Variants in KCNH8 observed in about 807,000 individuals in gnomAD.
The protein encoded by KCNH8 is potassium voltage-gated channel subfamily H member 8, also known as voltage-gated delayed rectifier potassium channel KCNH8.
In KCNH8, 70 loss-of-function variants were observed where a neutral mutation model predicts 103.6. The ratio of observed to expected loss-of-function variants is 0.68; its 90% CI spans 0.56 to 0.82. The LOEUF (loss-of-function observed/expected upper bound fraction) is 0.82, where lower values mean the gene tolerates loss of function less well. Ranked by LOEUF, KCNH8 falls within the 40% of genes least tolerant of loss-of-function variation. The pLI, the probability that KCNH8 is intolerant of heterozygous loss-of-function variation, is 0.00. For synonymous variants in KCNH8, 498 were observed against 489.4 expected (o/e 1.02, Z -0.23); for missense variants, 1,217 against 1,329.9 (o/e 0.92, Z 1.32).
In KCNH8 at chr3:19,459,692, C is replaced by A. The variant is rs559409113; in HGVS notation, c.2040+2710C>A. On this transcript the variant is annotated intron_variant, in intron 11 of 15. Transcript: ENST00000328405. The stretch of plus-strand genomic sequence containing the variant: ...CATTGTCCAGACCAATGTCATGGAG[C>A]TTTCCCCTATGTTTTCTTTTAGAGT... Among the ~76,000 whole-genome samples, 8 of 152,134 alleles carry A rather than the reference C, an allele frequency of 5.3e-5. No individual in the cohort carries two copies. The South Asian group carries it at 1.7e-3, about 32-fold the overall frequency.
intron 3 of KCNH8, among the ~76,000 whole-genome samples, chr3:19,292,045 T>C (rs1429896353): frequency 1.3e-5 from 2 of 152,246 alleles, no homozygotes; most frequent in Non-Finnish European, 2.9e-5. Context: ...CCAAACATTT[T>C]TCACAGCAGT....
chr3:19,201,930 C>T (rs1017647693), intron 1 of KCNH8, among the ~76,000 whole-genome samples: 60 of 152,252 alleles, frequency 3.9e-4, no homozygotes, highest in African/African-American at 1.4e-3. Flanking sequence ...GCTCTGAAAA[C>T]AATGTACTAA....
chr3:19,194,156 T>G (rs2063579003), intron 1 of KCNH8, among the ~76,000 whole-genome samples: 1 of 151,496 alleles, frequency 6.6e-6, no homozygotes, highest in Non-Finnish European at 1.5e-5. Context: ...AGAAATTGCT[T>G]CTGTTTGATG....
chr3:19,194,339 G>GATAT (rs1418718111), intron 1 of KCNH8, among the ~76,000 whole-genome samples: 1 of 151,418 alleles, frequency 6.6e-6, no homozygotes, highest in Non-Finnish European at 1.5e-5. Context: ...ATTTGAGCAA[G>GATAT]TGTTAGTAGA....
chr3:19,343,317 C>T (rs551927083), intron 4 of KCNH8, among the ~76,000 whole-genome samples: 2 of 152,140 alleles, frequency 1.3e-5, no homozygotes, highest in African/African-American at 4.8e-5. Context: ...GGTGTCTTAC[C>T]TGTCAAAGCC....
At chr3:19,215,003 C>T (rs1031808550) in intron 1 of KCNH8, among the ~76,000 whole-genome samples, 3 of 152,172 alleles carry the variant, frequency 2.0e-5, no homozygotes, top group Non-Finnish European at 2.9e-5. Flanking sequence ...TAGGTCTGCA[C>T]GCCCATTATC....
chr3:19,239,195 TG>T (rs1279429900), intron 1 of KCNH8, among the ~76,000 whole-genome samples: 1 of 152,182 alleles, frequency 6.6e-6, no homozygotes, highest in Non-Finnish European at 1.5e-5. Flanking sequence ...TATAGGCTTT[TG>T]CTGGCCTATT....
intron 3 of KCNH8, among the ~76,000 whole-genome samples, chr3:19,302,001 G>A (rs2065069988): frequency 6.6e-6 from 1 of 152,174 alleles, no homozygotes; most frequent in South Asian, 2.1e-4. Flanking sequence ...CGTGGCACAT[G>A]GATATATTCA....
intron 1 of KCNH8, among the ~76,000 whole-genome samples, chr3:19,199,887 C>T (rs1484030443): frequency 1.3e-5 from 2 of 151,818 alleles, no homozygotes; most frequent in Admixed American, 6.6e-5. Context: ...GGGTTTTATT[C>T]AGCAAATTTC....
Position 19,533,840 on chromosome 3 carries a change from C to T in KCNH8, c.3065C>T (p.Pro1022Leu), listed in dbSNP as rs1001495442. The change falls in exon 16 of 16, where the codon CCT becomes CTT. Residue 1022 changes from proline to leucine, a missense_variant. By Grantham distance (98) the Pro-to-Leu change is moderately conservative. Coordinates refer to ENST00000328405, the MANE Select transcript of KCNH8 (RefSeq NM_144633.3). Reference protein sequence around the residue: ...ISPHSDSTLTPLQSISATLSS... With the variant: ...ISPHSDSTLTLLQSISATLSS... ...CCACATTCAGATTCTACGTTGACGC[C>T]TCTGCAGTCCATTTCAGCAACTCTC... is the stretch of plus-strand genomic sequence containing the variant. 6.2e-7 allele frequency: 1 copy of T among 1,614,032 alleles called. No individual in the cohort carries two copies. The highest frequency in any genetic ancestry group is 1.3e-5 in the African/African-American group (1 of 74,916).
At chr3:19,205,539 G>C (rs1352273752) in intron 1 of KCNH8, among the ~76,000 whole-genome samples, 1 of 151,968 alleles carries the variant, frequency 6.6e-6, no homozygotes, top group African/African-American at 2.4e-5. Context: ...TTACACTCAA[G>C]CAAGGGGGTA....
chr3:19,199,918 A>G (rs780639194), intron 1 of KCNH8, among the ~76,000 whole-genome samples: 1 of 152,072 alleles, frequency 6.6e-6, no homozygotes, highest in South Asian at 2.1e-4. Context: ...GCCACAGTTC[A>G]TTATGAAGAA....
At chr3:19,216,883 A>G (rs1385928344) in intron 1 of KCNH8, among the ~76,000 whole-genome samples, 1 of 152,230 alleles carries the variant, frequency 6.6e-6, no homozygotes, top group Non-Finnish European at 1.5e-5. Flanking sequence ...GATGCTTGCC[A>G]GGAAGGGTGA....
At chr3:19,358,856 G>T (rs9851592) in intron 5 of KCNH8, among the ~76,000 whole-genome samples, 41,497 of 150,986 alleles carry the variant, frequency 0.27, 6,521 homozygotes, top group African/African-American at 0.43. Flanking sequence ...ATTTTTAAAG[G>T]AACTGTGCAA....
At chr3:19,413,720 A>T (rs2066819181) in intron 7 of KCNH8, among the ~76,000 whole-genome samples, 1 of 152,012 alleles carries the variant, frequency 6.6e-6, no homozygotes, top group South Asian at 2.1e-4. Flanking sequence ...TGGGGGAAAT[A>T]ATTTGTTTTT....
At chr3:19,362,452 A>G (rs1048434143) in intron 5 of KCNH8, among the ~76,000 whole-genome samples, 2 of 152,074 alleles carry the variant, frequency 1.3e-5, no homozygotes, top group Admixed American at 1.3e-4. Flanking sequence ...CAGTGATAAG[A>G]ATGTTCTTTT....
At chr3:19,301,654 C>T (rs900790508) in intron 3 of KCNH8, among the ~76,000 whole-genome samples, 2 of 152,166 alleles carry the variant, frequency 1.3e-5, no homozygotes, top group Admixed American at 6.6e-5. Flanking sequence ...TCAATTCTGA[C>T]ACTAACTATC....
At chr3:19,419,051 A>G (rs2066904886) in intron 7 of KCNH8, among the ~76,000 whole-genome samples, 1 of 152,176 alleles carries the variant, frequency 6.6e-6, no homozygotes, top group South Asian at 2.1e-4. Context: ...AAAGATAAAC[A>G]TTTTATCTAA....
chr3:19,332,537 A>G (rs1470765890), intron 3 of KCNH8, among the ~76,000 whole-genome samples: 1 of 152,188 alleles, frequency 6.6e-6, no homozygotes, highest in African/African-American at 2.4e-5. Flanking sequence ...TAATTGCCCA[A>G]CAATGCAATT....
Sources: gnomAD v4.1 joint callset for allele counts (sites outside exome capture counted in the v4.1 genomes callset) on GRCh38, gnomAD v4.1.1 for gene constraint, MANE v1.5 for transcripts, NCBI Gene and HGNC (gene_info 2026-07-23, HGNC 2026-07-21) for gene names.